KIAA1549L: variants seen among roughly 807,000 people sequenced by gnomAD.
KIAA1549L encodes the protein UPF0606 protein KIAA1549L.
In KIAA1549L, 88 loss-of-function variants were observed where a neutral mutation model predicts 160.7. That is an observed-to-expected ratio of 0.55 (90% CI 0.46 to 0.65). The LOEUF is 0.65. Ranked by LOEUF, KIAA1549L falls within the 30% of genes least tolerant of loss-of-function variation. The pLI is 0.00. For synonymous variants in KIAA1549L, 950 were observed against 976.7 expected (o/e 0.97, Z 0.51); for missense variants, 2,258 against 2,437.5 (o/e 0.93, Z 1.55).
chr11:33,482,665 G>C (rs546086199), intron 1 of KIAA1549L, among the ~76,000 whole-genome samples: 4 of 150,636 alleles, frequency 2.7e-5, no homozygotes, highest in Non-Finnish European at 4.4e-5. Flanking sequence ...CACTTTCCAG[G>C]TTCCAGTGAT....
intron 1 of KIAA1549L, among the ~76,000 whole-genome samples, chr11:33,425,390 C>T (rs1373671965): frequency 2.0e-5 from 3 of 152,196 alleles, no homozygotes. Context: ...GTTCCTGTGT[C>T]ACTGTGATGT....
intron 1 of KIAA1549L, among the ~76,000 whole-genome samples, chr11:33,418,841 C>T (rs895986563): frequency 9.2e-5 from 14 of 151,602 alleles, no homozygotes; most frequent in Non-Finnish European, 1.9e-4. Context: ...TGGAAAAGAG[C>T]CTGGGCTGTT....
At chr11:33,383,450 T>TGGG (rs373881477) in intron 1 of KIAA1549L, among the ~76,000 whole-genome samples, 16 of 152,164 alleles carry the variant, frequency 1.1e-4, no homozygotes, top group African/African-American at 3.9e-4. Flanking sequence ...TGACTCTCTT[T>TGGG]GGGGACTTCA....
intron 15 of KIAA1549L, among the ~76,000 whole-genome samples, chr11:33,614,587 T>TATTTA (rs1190029342): frequency 6.0e-5 from 2 of 33,460 alleles, no homozygotes; most frequent in Non-Finnish European, 1.2e-4. Context: ...TATATATATT[T>TATTTA]TTTTTTTTTT....
chr11:33,514,262 T>C (rs1853290176), intron 1 of KIAA1549L, among the ~76,000 whole-genome samples: 2 of 152,352 alleles, frequency 1.3e-5, no homozygotes, highest in South Asian at 4.1e-4. Context: ...CAAAACTAAG[T>C]AGTATTTTAT....
intron 6 of KIAA1549L, among the ~76,000 whole-genome samples, chr11:33,559,532 G>T (rs1854767487): frequency 6.6e-6 from 1 of 152,168 alleles, no homozygotes; most frequent in South Asian, 2.1e-4. Flanking sequence ...TTGTGGTAAG[G>T]AGTAAATGAG....
intron 9 of KIAA1549L, 52 bp downstream of exon 9, chr11:33,568,279 G>T: frequency 6.5e-7 from 1 of 1,535,274 alleles, no homozygotes; most frequent in Non-Finnish European, 8.8e-7. Context: ...GGTAGAGGGG[G>T]GGATGTGCTT....
At chr11:33,641,620 A>G (rs1385526315) in intron 16 of KIAA1549L, among the ~76,000 whole-genome samples, 9 of 95,898 alleles carry the variant, frequency 9.4e-5, no homozygotes, top group Admixed American at 4.4e-4. Context: ...ATATATATAT[A>G]TATATATATA....
intron 9 of KIAA1549L, 108 bp downstream of exon 9, chr11:33,568,335 C>T: frequency 9.7e-7 from 1 of 1,035,404 alleles, no homozygotes; most frequent in Non-Finnish European, 1.3e-6. Context: ...CTCCATGCTG[C>T]CAACTGACTA....
At chr11:33,635,000 T>C (rs542355287) in intron 16 of KIAA1549L, among the ~76,000 whole-genome samples, 2 of 152,304 alleles carry the variant, frequency 1.3e-5, no homozygotes, top group South Asian at 4.1e-4. Flanking sequence ...AGCCATTATT[T>C]TGAACCCCAC....
intron 16 of KIAA1549L, among the ~76,000 whole-genome samples, chr11:33,620,502 A>G (rs1850929632): frequency 6.6e-6 from 1 of 152,190 alleles, no homozygotes; most frequent in African/African-American, 2.4e-5. Context: ...AGTGTCTAAT[A>G]TTTACCAACT....
intron 1 of KIAA1549L, among the ~76,000 whole-genome samples, chr11:33,438,447 G>A (rs1165797109): frequency 6.6e-6 from 1 of 152,180 alleles, no homozygotes; most frequent in African/African-American, 2.4e-5. Flanking sequence ...GGCAGCTTTG[G>A]GGTATGGAAG....
intron 1 of KIAA1549L, among the ~76,000 whole-genome samples, chr11:33,465,046 C>CTTTTTTTTTTTTT (rs1008261470): frequency 5.1e-5 from 4 of 78,966 alleles, no homozygotes; most frequent in African/African-American, 2.1e-4. Context: ...GGACCTTCTT[C>CTTTTTTTTTTTTT]TTTTTTTTTT....
At chr11:33,396,439 G>A (rs1297817113) in intron 1 of KIAA1549L, among the ~76,000 whole-genome samples, 1 of 152,212 alleles carries the variant, frequency 6.6e-6, no homozygotes, top group African/African-American at 2.4e-5. Context: ...AGAGATTAAT[G>A]TGGATTTTGC....
At chr11:33,630,132 CCCGTT>C (rs1280137124) in intron 16 of KIAA1549L, among the ~76,000 whole-genome samples, 1 of 151,832 alleles carries the variant, frequency 6.6e-6, no homozygotes, top group Non-Finnish European at 1.5e-5. Context: ...AGGCAGTCTG[CCCGTT>C]CTCAGATCTC....
intron 9 of KIAA1549L, among the ~76,000 whole-genome samples, chr11:33,570,039 T>C: frequency 6.9e-6 from 1 of 144,640 alleles, no homozygotes. Flanking sequence ...AGTCTCACTC[T>C]GTCATCCAGG....
chr11:33,654,160 G>T (rs1851982076), intron 17 of KIAA1549L, among the ~76,000 whole-genome samples: 1 of 151,668 alleles, frequency 6.6e-6, no homozygotes. Flanking sequence ...TTTTAGTAGA[G>T]ACGGGGTTTC....
chr11:33,567,178 C>A (rs1455129605), intron 8 of KIAA1549L, among the ~76,000 whole-genome samples: 2 of 152,168 alleles, frequency 1.3e-5, no homozygotes, highest in Non-Finnish European at 2.9e-5. Context: ...GATGCCCTGG[C>A]TATAGATGAA....
At chr11:33,577,400 A>G (rs1483397058) in intron 10 of KIAA1549L, among the ~76,000 whole-genome samples, 1 of 152,192 alleles carries the variant, frequency 6.6e-6, no homozygotes, top group African/African-American at 2.4e-5. Context: ...TTGAATATTG[A>G]GAGGATGCTG....
Sources: gnomAD v4.1 joint callset for allele counts (sites outside exome capture counted in the v4.1 genomes callset) on GRCh38, gnomAD v4.1.1 for gene constraint, MANE v1.5 for transcripts, NCBI Gene and HGNC (gene_info 2026-07-23, HGNC 2026-07-21) for gene names.